SMG5: variants seen among roughly 807,000 people sequenced by gnomAD.
SMG5 encodes the protein nonsense-mediated mRNA decay factor SMG5.
A neutral mutation model predicts 122.9 loss-of-function variants in SMG5; 53 were observed. The observed-to-expected ratio is 0.43, with a 90% CI of 0.35 to 0.54. The LOEUF (loss-of-function observed/expected upper bound fraction) is 0.54, where lower values mean the gene tolerates loss of function less well. Among genes scored for constraint, SMG5 ranks in the 20% least tolerant of loss-of-function variants. The probability of loss-of-function intolerance (pLI) is 0.01; values close to 1 mark genes in which losing one functional copy is unlikely to be tolerated. For missense variants in SMG5, 1,153 were observed against 1,285.6 expected, an observed-to-expected ratio of 0.90 and a Z score of 1.58; for synonymous variants, 477 against 490.2, an observed-to-expected ratio of 0.97 and a Z score of 0.35.
chr1:156,287,848 C>T, the SMG5 span, among the ~76,000 whole-genome samples: 1 of 151,934 alleles, frequency 6.6e-6, no homozygotes, highest in Non-Finnish European at 1.5e-5. Flanking sequence ...GAACCCCTAA[C>T]CTCAGGTGAT....
upstream of SMG5, chr1:156,284,444 A>C (rs1663088296): frequency 6.6e-6 from 1 of 152,278 alleles, no homozygotes; most frequent in African/African-American, 2.4e-5. Flanking sequence ...CAAGGTTTGG[A>C]GTGCCCTTGA....
intron 12 of SMG5, among the ~76,000 whole-genome samples, chr1:156,264,267 CAAAAAAAAAAAAAAAA>C (rs1205363773): frequency 7.0e-4 from 38 of 53,980 alleles, no homozygotes; most frequent in Non-Finnish European, 1.0e-3. Flanking sequence ...GACTCCGTCT[CAAAAAAAAAAAAAAAA>C]AAAAAAAAAA....
chr1:156,265,798 T>C lies in SMG5; in HGVS notation c.1838A>G (p.Asp613Gly), dbSNP rs1375684927. Residue 613 changes from aspartate to glycine, a missense_variant, in exon 12 of 22, where the codon GAC becomes GGC. Asp to Gly is a moderately conservative substitution (Grantham distance 94, BLOSUM62 -1). Transcript: ENST00000361813. ...CCAAATACCTGGCTCTGAAGGCTTG[T>C]CTACATCCCCATTGACGCAAGGCCT... ...SHRPCVNGDV[D>G]KPSEPASEEG... 34 of 1,613,762 alleles carry C rather than the reference T, an allele frequency of 2.1e-5. No homozygotes were observed. The highest frequency in any genetic ancestry group is 2.7e-5 in the Non-Finnish European group (32 of 1,179,888).
chr1:156,274,676 C>G lies in SMG5; in HGVS notation c.465G>C (p.Lys155Asn). The G allele has an allele frequency of 1.2e-6, 2 of 1,613,814 alleles. No individual in the cohort carries two copies. Among genetic ancestry groups the G allele is most frequent in the Non-Finnish European group, 8.5e-7 (1 of 1,179,754 alleles). ...HVTDPLIGCK[K>N]PVSASGKEMD... is the part of the protein sequence containing the mutation. ...TCTCCTTCCCTGAGGCAGACACTGG[C>G]TTCTTGCATCCTATGAGACAAAGAG... Residue 155 changes from lysine to asparagine, a missense_variant, in exon 5 of 22, where the codon AAG becomes AAC. Physicochemically the swap from Lys to Asn is moderately conservative, Grantham distance 94 (BLOSUM62 0). Transcript: ENST00000361813.
intron 16 of SMG5, among the ~76,000 whole-genome samples, chr1:156,255,154 G>A (rs532845215): frequency 6.6e-6 from 1 of 151,808 alleles, no homozygotes; most frequent in East Asian, 1.9e-4. Context: ...AGGCACAGTG[G>A]TTCACGCCTG....
chr1:156,282,828 C>CT, upstream of SMG5: 1 of 784,534 alleles, frequency 1.3e-6, no homozygotes, highest in Non-Finnish European at 1.9e-6. Context: ...CCCGCGACAG[C>CT]TCCTCCTCCG....
chr1:156,264,291 A>AAG (rs1558237568), intron 12 of SMG5, among the ~76,000 whole-genome samples: 5 of 151,594 alleles, frequency 3.3e-5, no homozygotes, highest in African/African-American at 9.7e-5. Context: ...AAAAAAAAAA[A>AAG]AAGAGTTACT....
At chr1:156,272,540 A>G in intron 6 of SMG5, 142 bp from the exon 7 acceptor site, 1 of 654,502 alleles carries the variant, frequency 1.5e-6, no homozygotes, top group South Asian at 1.8e-5. Flanking sequence ...GGTGATTAGC[A>G]GCTTAATCTT....
the SMG5 span, chr1:156,291,360 C>G: frequency 6.2e-7 from 1 of 1,611,310 alleles, no homozygotes; most frequent in Non-Finnish European, 8.5e-7. Context: ...TCGAGAGTAG[C>G]CTGACCCTTT....
At chr1:156,268,653 A>AT (rs767181998) in intron 7 of SMG5, among the ~76,000 whole-genome samples, 3 of 152,246 alleles carry the variant, frequency 2.0e-5, no homozygotes, top group Non-Finnish European at 4.4e-5. Flanking sequence ...AGAAAGGAGA[A>AT]TATCAATCCT....
chr1:156,285,987 A>G, upstream of SMG5: 5 of 1,595,300 alleles, frequency 3.1e-6, no homozygotes, highest in Non-Finnish European at 4.3e-6. Flanking sequence ...GTGCTGGGTG[A>G]GCCTGTGAGA....
In SMG5 at chr1:156,263,450, T is replaced by C; in HGVS notation, c.1976A>G (p.Lys659Arg). The C allele has an allele frequency of 6.2e-7, 1 of 1,614,238 alleles. No homozygotes were observed. The highest frequency in any genetic ancestry group is 8.5e-7 in the Non-Finnish European group (1 of 1,180,050). The part of the protein sequence containing the change: ...LMAEGLLPAV[K>R]VFLDWLRTNP... ...GGTCCGAAGCCAGTCCAGGAAGACT[T>C]TCACAGCAGGAAGCAGACCTTCGGC... Residue 659 changes from lysine to arginine, a missense_variant, in exon 13 of 22, where the codon AAA (lysine) becomes AGA (arginine). By Grantham distance (26) the Lys-to-Arg change is conservative (BLOSUM62 2). This residue lies in a region of SMG5 where 631 missense variants were observed against 650.6 expected (regional missense o/e 0.97). Coordinates refer to ENST00000361813, the MANE Select transcript of SMG5 (RefSeq NM_015327.3).
In SMG5 at chr1:156,260,805, C is replaced by G. The variant is rs149914637; in HGVS notation, c.2108-179G>C. Among the ~76,000 whole-genome samples, 8 of 152,280 alleles carry G rather than the reference C, an allele frequency of 5.3e-5. No individual in the cohort carries two copies. In the East Asian group the frequency reaches 1.2e-3, roughly 22 times the overall value. ...GAGAGATGGACACATAAGAGCCAGT[C>G]AGGCAGAGCAGAGGGGCTCAGGAAG... On this transcript the variant is annotated intron_variant, in intron 14 of 21. Coordinates refer to ENST00000361813, the MANE Select transcript of SMG5 (RefSeq NM_015327.3).
At chr1:156,278,089 T>C (rs774941910) in intron 2 of SMG5, 41 bp from the exon 3 acceptor site, 2 of 1,609,834 alleles carry the variant, frequency 1.2e-6, no homozygotes, top group Non-Finnish European at 1.7e-6. Flanking sequence ...AGCCCATCCC[T>C]TGGAGCAGGG....
At position 156,266,560 on chromosome 1, in the gene SMG5, T is replaced by A. The variant is rs1426731497; in HGVS notation, c.1236A>T (p.Ala412=). 8.7e-6 allele frequency: 14 copies of A among 1,614,046 alleles called. No homozygotes were observed. The Admixed American group carries it at 2.0e-4, about 23-fold the overall frequency. ...ELEEGENPVP[A]FQSDGTDEPE... Reference sequence around the variant, plus strand: ...TCCCACCTGTGCCATCACTCTGGAATGCCGGGACGGGATTCTCGCCCTCTT... The same window carrying A: ...TCCCACCTGTGCCATCACTCTGGAAAGCCGGGACGGGATTCTCGCCCTCTT... The change falls in exon 11 of 22, where the codon GCA becomes GCT. Residue 412 remains alanine (A), a synonymous_variant. Transcript: ENST00000361813.
At chr1:156,276,422 C>T (rs529718263) in intron 4 of SMG5, among the ~76,000 whole-genome samples, 5 of 152,288 alleles carry the variant, frequency 3.3e-5, no homozygotes, top group Admixed American at 6.5e-5. Context: ...CCACCGTGCC[C>T]GGTCTAGATG....
intron 4 of SMG5, among the ~76,000 whole-genome samples, chr1:156,275,316 CA>C (rs1662634775): frequency 6.6e-6 from 1 of 152,114 alleles, no homozygotes; most frequent in Admixed American, 6.5e-5. Flanking sequence ...TGCTGATGGC[CA>C]AAGTCAAATA....
intron 10 of SMG5, 152 bp from the exon 11 acceptor site, chr1:156,266,830 A>G (rs1662175713): frequency 9.3e-7 from 1 of 1,069,964 alleles, no homozygotes; most frequent in Non-Finnish European, 1.3e-6. Flanking sequence ...CTTTTTAGAG[A>G]CAAGAGTCTC....
At position 156,260,544 on chromosome 1, in the gene SMG5, C is replaced by G. The variant is rs1263800997; in HGVS notation, c.2190G>C (p.Glu730Asp). The G allele has an allele frequency of 6.4e-7, 1 of 1,567,880 alleles. No individual in the cohort carries two copies. Among genetic ancestry groups the G allele is most frequent in the Non-Finnish European group, 8.6e-7 (1 of 1,163,318 alleles). ...GGGGCAGGTTACGAAGAGCCATGTC[C>G]TCTGGGAGCAGAAGGCTAGAGGGGA... ...PDLPSSLLLPEDMALRNLPPL... is the reference protein window; with the variant it reads ...PDLPSSLLLPDDMALRNLPPL... Residue 730 changes from glutamate to aspartate, a missense_variant, in exon 15 of 22, where the codon GAG (glutamate) becomes GAC (aspartate). Around this residue, in one of 5 missense-constraint regions of SMG5, gnomAD observed 631 missense variants for 650.6 expected, o/e 0.97. Coordinates refer to ENST00000361813, the MANE Select transcript of SMG5 (RefSeq NM_015327.3).
Sources: allele counts gnomAD v4.1 joint callset (sites outside exome capture counted in the v4.1 genomes callset), GRCh38; gene constraint gnomAD v4.1.1; regional missense constraint gnomAD v4.1.1; transcripts MANE v1.5; gene names NCBI Gene and HGNC (gene_info 2026-07-23, HGNC 2026-07-21).